Variants in AGO1 observed in about 807,000 individuals in gnomAD.
AGO1 encodes the protein argonaute RISC component 1.
A neutral mutation model predicts 109.2 loss-of-function variants in AGO1; 11 were observed. The observed-to-expected ratio is 0.10, with a 90% CI of 0.06 to 0.17. The LOEUF is 0.17. Among genes scored for constraint, AGO1 ranks in the 10% least tolerant of loss-of-function variants. The probability of loss-of-function intolerance (pLI) is 1.00; values close to 1 mark genes in which losing one functional copy is unlikely to be tolerated. For missense variants in AGO1, 574 were observed against 1,140.3 expected, an observed-to-expected ratio of 0.50 and a Z score of 7.15; for synonymous variants, 422 against 418.6, an observed-to-expected ratio of 1.01 and a Z score of -0.10.
intron 1 of AGO1, among the ~76,000 whole-genome samples, chr1:35,885,702 A>G (rs1645109854): frequency 6.6e-6 from 1 of 152,252 alleles, no homozygotes; most frequent in African/African-American, 2.4e-5. Context: ...TTCTGTGCTC[A>G]GGTGTGTTCC....
At chr1:35,890,113 C>T (rs953262854) in intron 2 of AGO1, among the ~76,000 whole-genome samples, 3 of 151,918 alleles carry the variant, frequency 2.0e-5, no homozygotes, top group Non-Finnish European at 4.4e-5. Flanking sequence ...ACCTCTGCCT[C>T]CCGGGTTCAA....
At chr1:35,872,126 A>C (rs1206951838) in intron 1 of AGO1, among the ~76,000 whole-genome samples, 3 of 151,272 alleles carry the variant, frequency 2.0e-5, no homozygotes, top group Middle Eastern at 3.2e-3. Context: ...ATTTGGCAGA[A>C]CTCACCTGTA....
chr1:35,902,470 C>T, intron 11 of AGO1, 133 bp downstream of exon 11: 2 of 1,194,226 alleles, frequency 1.7e-6, no homozygotes, highest in Non-Finnish European at 2.2e-6. Flanking sequence ...TGCTTTCTGG[C>T]TCAAACTTCT....
intron 2 of AGO1, among the ~76,000 whole-genome samples, chr1:35,889,966 A>C (rs939489318): frequency 4.1e-5 from 6 of 146,600 alleles, no homozygotes; most frequent in Non-Finnish European, 9.1e-5. Flanking sequence ...CTGCCTACCT[A>C]GGCCTCCCAA....
chr1:35,889,851 T>TA (rs1645185691), intron 2 of AGO1, among the ~76,000 whole-genome samples: 1 of 151,746 alleles, frequency 6.6e-6, no homozygotes, highest in African/African-American at 2.4e-5. Context: ...TAGCTGGGAC[T>TA]ATAGGTGCTC....
rs1292328643 is a variant in AGO1, at chr1:35,893,655, C to T, written c.513-19C>T. ...GGGGCCTGTGCCCGAGGGACCAGTT[C>T]TCTGCCTGTCCCTGCCAGGTACACC... On this transcript the variant is annotated intron_variant, in intron 4 of 18. Coordinates refer to ENST00000373204, the MANE Select transcript of AGO1 (RefSeq NM_012199.5). The surrounding 1 kb of genome is among the most constrained non-coding windows in gnomAD (Gnocchi z 5.6). 6.2e-7 allele frequency: 1 copy of T among 1,601,584 alleles called. No homozygotes were observed. Among genetic ancestry groups the T allele is most frequent in the Non-Finnish European group, 8.5e-7 (1 of 1,172,410 alleles).
chr1:35,879,578 C>T (rs569709667), upstream of AGO1, among the ~76,000 whole-genome samples: 3 of 149,728 alleles, frequency 2.0e-5, no homozygotes, highest in Non-Finnish European at 3.0e-5. Flanking sequence ...GCCAACATGG[C>T]GCAAAAATTA....
chr1:35,895,002 C>A (rs990736480), intron 7 of AGO1, 120 bp from the exon 8 acceptor site: 1 of 1,217,246 alleles, frequency 8.2e-7, no homozygotes, highest in Non-Finnish European at 1.1e-6. Context: ...TTCCTTCCTG[C>A]ACATCATATT....
In AGO1 at chr1:35,893,598, GC is replaced by G; in HGVS notation, c.513-75del. On this transcript the variant is annotated intron_variant, in intron 4 of 18. Transcript: ENST00000373204. This position sits in a 1 kb window ranked among gnomAD's most constrained non-coding sequence, Gnocchi z 5.6. ...CCGGTGTCCTGCCTTTCAGGCCAGG[GC>G]TCCTCCGTGCCCAGGATGCCTCACA... The G allele has an allele frequency of 6.8e-7, 1 of 1,466,460 alleles. No homozygotes were observed. Among genetic ancestry groups the G allele is most frequent in the Non-Finnish European group, 9.2e-7 (1 of 1,090,982 alleles). 90.8% of individuals were successfully genotyped at this position (1,466,460 alleles called of 1,614,324 possible). A position where few individuals can be genotyped will look rare whatever the true frequency, so the allele number is the denominator to read the frequency against.
intron 8 of AGO1, among the ~76,000 whole-genome samples, chr1:35,896,528 G>GT (rs939340910): frequency 2.6e-5 from 4 of 151,896 alleles, no homozygotes; most frequent in South Asian, 2.1e-4. Context: ...GCCCAGATAA[G>GT]TTTTTTTTGT....
chr1:35,887,298 G>A (rs1645136513), intron 1 of AGO1, among the ~76,000 whole-genome samples: 1 of 152,182 alleles, frequency 6.6e-6, no homozygotes, highest in African/African-American at 2.4e-5. Flanking sequence ...GATAATGGGA[G>A]GTTCTGGGCT....
intron 3 of AGO1, 59 bp downstream of exon 3, chr1:35,892,736 G>A: frequency 1.9e-6 from 3 of 1,607,572 alleles, no homozygotes; most frequent in East Asian, 4.5e-5. Context: ...CCAAGCTCAT[G>A]TAAGCCTCTT....
chr1:35,895,322 T>C (rs1248946421), intron 8 of AGO1, 53 bp downstream of exon 8: 1 of 1,534,112 alleles, frequency 6.5e-7, no homozygotes, highest in South Asian at 1.2e-5. Flanking sequence ...ACCTGCATGC[T>C]GATCATCAGA....
intron 15 of AGO1, among the ~76,000 whole-genome samples, chr1:35,915,797 A>C (rs1239189969): frequency 1.3e-5 from 2 of 152,332 alleles, no homozygotes; most frequent in East Asian, 3.9e-4. Context: ...TGTTTAGACC[A>C]GTGATTCTCA....
chr1:35,910,071 TC>T (rs1233078377), intron 12 of AGO1, among the ~76,000 whole-genome samples: 1 of 150,308 alleles, frequency 6.7e-6, no homozygotes, highest in Non-Finnish European at 1.5e-5. Context: ...TACATGCGGT[TC>T]CTTGATTATA....
In AGO1 at chr1:35,911,081, T is replaced by A. The variant is rs541499920; in HGVS notation, c.1583-2761T>A. On this transcript the variant is annotated intron_variant, in intron 12 of 18. Coordinates refer to ENST00000373204, the MANE Select transcript of AGO1 (RefSeq NM_012199.5). Reference sequence around the variant, plus strand: ...ACTCTGTCTCAAAAGAAAAAAAAAATAATAATAATGCTTCAGTGAACACTC... The same window carrying A: ...ACTCTGTCTCAAAAGAAAAAAAAAAAAATAATAATGCTTCAGTGAACACTC... 9.3e-4 allele frequency among the ~76,000 whole-genome samples: 140 copies of A among 151,324 alleles called. 3 individuals carry two copies. In the South Asian group the frequency reaches 0.026, roughly 28 times the overall value.
chr1:35,892,037 C>A (rs1399812155), intron 2 of AGO1, among the ~76,000 whole-genome samples: 1 of 152,080 alleles, frequency 6.6e-6, no homozygotes, highest in Admixed American at 6.6e-5. Flanking sequence ...GCCACCATAC[C>A]CAGCTAATTA....
chr1:35,914,610 G>A (rs1645701821), intron 14 of AGO1, among the ~76,000 whole-genome samples: 1 of 152,172 alleles, frequency 6.6e-6, no homozygotes, highest in South Asian at 2.1e-4. Flanking sequence ...GAGTTACTTA[G>A]TTGCGAGGAC....
chr1:35,906,341 A>G (rs569780844), intron 11 of AGO1, among the ~76,000 whole-genome samples: 1 of 152,330 alleles, frequency 6.6e-6, no homozygotes, highest in South Asian at 2.1e-4. Flanking sequence ...GAAGCACAGG[A>G]ATCAGCTGCT....
Sources: allele counts gnomAD v4.1 joint callset (sites outside exome capture counted in the v4.1 genomes callset), GRCh38; gene constraint gnomAD v4.1.1; non-coding constraint Gnocchi (gnomAD v3.1); transcripts MANE v1.5; gene names NCBI Gene and HGNC (gene_info 2026-07-23, HGNC 2026-07-21).